The following MCTP1 variants were observed in gnomAD, a reference collection of about 807,000 sequenced individuals.
The protein encoded by MCTP1 is multiple C2 and transmembrane domain containing 1.
A neutral mutation model predicts 120.6 loss-of-function variants in MCTP1; 69 were observed. The ratio of observed to expected loss-of-function variants is 0.57; its 90% confidence interval spans 0.47 to 0.70. The LOEUF (loss-of-function observed/expected upper bound fraction) is 0.70, where lower values mean the gene tolerates loss of function less well. MCTP1 is among the 30% of genes least tolerant of loss of function. MCTP1 has a pLI of 0.00. For synonymous variants in MCTP1, 529 were observed against 493.1 expected (o/e 1.07, Z -0.96); for missense variants, 1,203 against 1,248.8 (o/e 0.96, Z 0.55).
chr5:95,228,474 G>GAGAC (rs1372323566), intron 1 of MCTP1, among the ~76,000 whole-genome samples: 1 of 151,478 alleles, frequency 6.6e-6, no homozygotes, highest in Non-Finnish European at 1.5e-5. Flanking sequence ...AGCCAAAAGA[G>GAGAC]AGAGAGAGAG....
chr5:95,107,969 A>T (rs1757208658), intron 1 of MCTP1, among the ~76,000 whole-genome samples: 1 of 152,188 alleles, frequency 6.6e-6, no homozygotes. Flanking sequence ...TATTAAGCCC[A>T]GCAGTCTCAC....
chr5:95,098,577 C>G (rs1014113094), intron 1 of MCTP1, among the ~76,000 whole-genome samples: 1 of 151,632 alleles, frequency 6.6e-6, no homozygotes, highest in Admixed American at 6.6e-5. Flanking sequence ...ATGTGAAGGA[C>G]CTCTTCAAGG....
intron 1 of MCTP1, among the ~76,000 whole-genome samples, chr5:95,203,962 A>ACT (rs1479846736): frequency 6.6e-6 from 1 of 151,850 alleles, no homozygotes; most frequent in East Asian, 1.9e-4. Context: ...TGTGTAGATT[A>ACT]CTAACTATGC....
At chr5:95,158,955 T>C (rs1207665592) in intron 1 of MCTP1, among the ~76,000 whole-genome samples, 3 of 152,078 alleles carry the variant, frequency 2.0e-5, no homozygotes, top group African/African-American at 7.2e-5. Flanking sequence ...TAATATAATT[T>C]CTTAATTTTT....
chr5:94,983,553 C>T (rs1829875297), intron 2 of MCTP1, among the ~76,000 whole-genome samples: 1 of 152,080 alleles, frequency 6.6e-6, no homozygotes, highest in Non-Finnish European at 1.5e-5. Flanking sequence ...TGCCTGTAAT[C>T]CTAACACTTT....
At chr5:95,211,991 G>A (rs532518184) in intron 1 of MCTP1, among the ~76,000 whole-genome samples, 101 of 152,228 alleles carry the variant, frequency 6.6e-4, no homozygotes, top group African/African-American at 2.1e-3. Flanking sequence ...TCAAAAGCTA[G>A]CAGAAGGCAA....
intron 2 of MCTP1, among the ~76,000 whole-genome samples, chr5:95,001,417 C>A (rs1323302522): frequency 2.0e-5 from 3 of 152,164 alleles, no homozygotes; most frequent in African/African-American, 7.2e-5. Context: ...TTAGAACCGC[C>A]TGAAGACTTG....
intron 1 of MCTP1, among the ~76,000 whole-genome samples, chr5:95,032,527 A>T (rs556270319): frequency 1.1e-3 from 171 of 152,162 alleles, no homozygotes; most frequent in Admixed American, 1.9e-3. Flanking sequence ...AATAAAAAAA[A>T]TTTTTGACAC....
intron 1 of MCTP1, among the ~76,000 whole-genome samples, chr5:95,113,777 G>C (rs1757623563): frequency 6.6e-6 from 1 of 152,086 alleles, no homozygotes; most frequent in Non-Finnish European, 1.5e-5. Context: ...AGACTTAAAG[G>C]GCACAGGACC....
At chr5:94,800,427 C>T (rs942216652) in intron 17 of MCTP1, among the ~76,000 whole-genome samples, 1 of 152,036 alleles carries the variant, frequency 6.6e-6, no homozygotes, top group Non-Finnish European at 1.5e-5. Context: ...CTAAGGACAC[C>T]CGTCTCAGGC....
chr5:94,834,867 G>A (rs139386817), intron 17 of MCTP1, among the ~76,000 whole-genome samples: 2 of 148,006 alleles, frequency 1.4e-5, no homozygotes, highest in African/African-American at 5.0e-5. Context: ...GCCCAGGCTG[G>A]AGTGCAATGG....
chr5:95,195,664 C>T (rs140012400), intron 1 of MCTP1, among the ~76,000 whole-genome samples: 34 of 152,034 alleles, frequency 2.2e-4, no homozygotes, highest in African/African-American at 7.0e-4. Context: ...GTTGATAGAG[C>T]GCTAAGGCAG....
At chr5:95,260,305 CTA>C (rs1460960959) in intron 1 of MCTP1, among the ~76,000 whole-genome samples, 6 of 152,160 alleles carry the variant, frequency 3.9e-5, no homozygotes, top group Non-Finnish European at 7.4e-5. Context: ...GGAGAAATCT[CTA>C]TTTCAGTCTA....
At chr5:94,947,002 C>T (rs159021) in intron 3 of MCTP1, among the ~76,000 whole-genome samples, 5,495 of 152,210 alleles carry the variant, frequency 0.036, 145 homozygotes, top group East Asian at 0.087. Flanking sequence ...GGAACAGCCT[C>T]GTTTATTTCT....
At chr5:95,053,257 A>G (rs1193564538) in intron 1 of MCTP1, among the ~76,000 whole-genome samples, 3 of 152,162 alleles carry the variant, frequency 2.0e-5, no homozygotes, top group Admixed American at 6.5e-5. Context: ...CTCCACCCCC[A>G]CTTAAATCAG....
At chr5:95,081,032 A>G (rs950297859) in intron 1 of MCTP1, among the ~76,000 whole-genome samples, 1 of 152,176 alleles carries the variant, frequency 6.6e-6, no homozygotes, top group African/African-American at 2.4e-5. Context: ...TTATTCAAAG[A>G]TAATCATATA....
At chr5:94,950,363 T>C (rs1381142320) in intron 3 of MCTP1, among the ~76,000 whole-genome samples, 1 of 152,128 alleles carries the variant, frequency 6.6e-6, no homozygotes, top group Non-Finnish European at 1.5e-5. Flanking sequence ...CATAATCTTA[T>C]ATATTGAAAG....
intron 1 of MCTP1, among the ~76,000 whole-genome samples, chr5:95,050,237 T>G (rs1745542593): frequency 6.6e-6 from 1 of 152,202 alleles, no homozygotes; most frequent in African/African-American, 2.4e-5. Flanking sequence ...CCAGTGAAAT[T>G]TGGATTTTTG....
intron 1 of MCTP1, among the ~76,000 whole-genome samples, chr5:95,143,324 T>C (rs1239454350): frequency 6.6e-6 from 1 of 152,150 alleles, no homozygotes; most frequent in East Asian, 1.9e-4. Flanking sequence ...AAACAACACA[T>C]CTTGCTGTAA....
Sources: gnomAD v4.1 joint callset for allele counts (sites outside exome capture counted in the v4.1 genomes callset) on GRCh38, gnomAD v4.1.1 for gene constraint, MANE v1.5 for transcripts, NCBI Gene and HGNC (gene_info 2026-07-23, HGNC 2026-07-21) for gene names.